UNC5C: variants seen among roughly 807,000 people sequenced by gnomAD.
UNC5C encodes the protein unc-5 netrin receptor C.
Under a neutral mutation model 99.8 loss-of-function variants are expected in UNC5C, and 47 were observed. The ratio of observed to expected loss-of-function variants is 0.47; its 90% confidence interval spans 0.37 to 0.60. UNC5C has a LOEUF of 0.60. Among genes scored for constraint, UNC5C ranks in the 20% least tolerant of loss-of-function variants. UNC5C has a pLI of 0.00. For synonymous variants in UNC5C, 487 were observed against 452.2 expected (o/e 1.08, Z -0.98); for missense variants, 1,062 against 1,165.9 (o/e 0.91, Z 1.30).
chr4:95,503,266 G>C (rs1285246686), intron 1 of UNC5C, among the ~76,000 whole-genome samples: 2 of 151,906 alleles, frequency 1.3e-5, no homozygotes, highest in Non-Finnish European at 2.9e-5. Flanking sequence ...TTTCACCATG[G>C]AATAACACAG....
chr4:95,422,806 C>T (rs895759156), intron 1 of UNC5C, among the ~76,000 whole-genome samples: 17 of 152,136 alleles, frequency 1.1e-4, no homozygotes, highest in African/African-American at 4.1e-4. Context: ...AATTCTGCTG[C>T]ATTTATATGC....
At chr4:95,289,181 T>C (rs1343955482) in intron 3 of UNC5C, among the ~76,000 whole-genome samples, 1 of 152,246 alleles carries the variant, frequency 6.6e-6, no homozygotes, top group East Asian at 1.9e-4. Context: ...CCTCTGTCAA[T>C]GTACTCATTT....
chr4:95,225,076 A>G (rs1050867208), intron 7 of UNC5C, among the ~76,000 whole-genome samples: 2 of 152,116 alleles, frequency 1.3e-5, no homozygotes, highest in African/African-American at 4.8e-5. Context: ...GTGGGCCAGG[A>G]TGAGGAGTCT....
chr4:95,405,274 C>T (rs561744231), intron 1 of UNC5C, among the ~76,000 whole-genome samples: 1 of 152,166 alleles, frequency 6.6e-6, no homozygotes. Context: ...CCAAAGTACT[C>T]GCCCCGGCCT....
In UNC5C at chr4:95,259,832, T is replaced by C. The variant is rs908082782; in HGVS notation, c.595-9165A>G. On this transcript the variant is annotated intron_variant, in intron 4 of 15. Transcript: ENST00000453304. ...ATAAATGATAGGCAATTTATATTAC[T>C]ATTATTTTTACCTAGACCATCTATA... is the stretch of plus-strand genomic sequence containing the variant. Among the ~76,000 whole-genome samples the C allele has an allele frequency of 4.6e-5, 7 of 152,230 alleles. No homozygotes were observed. In the East Asian group the frequency reaches 1.3e-3, roughly 29 times the overall value.
At chr4:95,511,719 A>G (rs374732217) in intron 1 of UNC5C, among the ~76,000 whole-genome samples, 72 of 152,288 alleles carry the variant, frequency 4.7e-4, no homozygotes, top group African/African-American at 1.7e-3. Flanking sequence ...GATAAAGCTG[A>G]TCAACACTCC....
intron 1 of UNC5C, among the ~76,000 whole-genome samples, chr4:95,346,278 C>G (rs536891222): frequency 2.0e-5 from 3 of 151,870 alleles, no homozygotes; most frequent in African/African-American, 7.2e-5. Flanking sequence ...AAGGGGATCA[C>G]AGAAGTAATA....
At chr4:95,276,453 TTG>T (rs1740862638) in intron 4 of UNC5C, among the ~76,000 whole-genome samples, 1 of 152,100 alleles carries the variant, frequency 6.6e-6, no homozygotes, top group South Asian at 2.1e-4. Context: ...GTGAACTACT[TTG>T]TCAAGGAGAC....
chr4:95,414,757 G>A (rs564791058), intron 1 of UNC5C, among the ~76,000 whole-genome samples: 23 of 152,262 alleles, frequency 1.5e-4, no homozygotes, highest in African/African-American at 5.3e-4. Flanking sequence ...ATGAGAGGCA[G>A]AAACCCATAA....
chr4:95,461,948 G>C (rs77901263), intron 1 of UNC5C, among the ~76,000 whole-genome samples: 5,344 of 152,124 alleles, frequency 0.035, 224 homozygotes, highest in Admixed American at 0.1. Flanking sequence ...TTATCTTGTG[G>C]TTATATGATT....
intron 1 of UNC5C, among the ~76,000 whole-genome samples, chr4:95,477,020 C>T (rs1325198725): frequency 1.3e-5 from 2 of 152,000 alleles, no homozygotes; most frequent in South Asian, 2.1e-4. Context: ...TGAGTGTGCA[C>T]GTTTACACAC....
At chr4:95,305,635 T>C (rs991125987) in intron 2 of UNC5C, among the ~76,000 whole-genome samples, 7 of 152,228 alleles carry the variant, frequency 4.6e-5, no homozygotes, top group Non-Finnish European at 8.8e-5. Context: ...AGATTTCCCA[T>C]CATGCTGCTT....
intron 4 of UNC5C, among the ~76,000 whole-genome samples, chr4:95,259,802 G>A (rs1182172004): frequency 6.6e-6 from 1 of 152,150 alleles, no homozygotes; most frequent in Non-Finnish European, 1.5e-5. Context: ...ACTTGGTAAT[G>A]AGGCATAAAT....
At chr4:95,484,179 A>G (rs1383773761) in intron 1 of UNC5C, among the ~76,000 whole-genome samples, 1 of 151,830 alleles carries the variant, frequency 6.6e-6, no homozygotes, top group Non-Finnish European at 1.5e-5. Context: ...AATGAGCCAC[A>G]TGGGTGGGTG....
At chr4:95,543,520 G>A (rs10516979) in intron 1 of UNC5C, among the ~76,000 whole-genome samples, 4,173 of 152,192 alleles carry the variant, frequency 0.027, 132 homozygotes, top group East Asian at 0.1. Flanking sequence ...CTTTGCCTTC[G>A]TGTTGACCTA....
At chr4:95,301,175 G>A (rs182291778) in intron 3 of UNC5C, among the ~76,000 whole-genome samples, 1 of 150,578 alleles carries the variant, frequency 6.6e-6, no homozygotes, top group African/African-American at 2.4e-5. Flanking sequence ...GCAGAAATCT[G>A]GGAGCAGTTT....
chr4:95,357,965 T>G (rs1310554851), intron 1 of UNC5C, among the ~76,000 whole-genome samples: 4 of 152,162 alleles, frequency 2.6e-5, no homozygotes, highest in Admixed American at 6.5e-5. Flanking sequence ...GACTACTGCT[T>G]TTTAAATAAA....
chr4:95,354,439 CT>C (rs1161718652), intron 1 of UNC5C, among the ~76,000 whole-genome samples: 1 of 141,520 alleles, frequency 7.1e-6, no homozygotes, highest in African/African-American at 2.8e-5. Flanking sequence ...TCTTCAATGA[CT>C]TTTCTATCGT....
In UNC5C at chr4:95,362,214, AG is replaced by A. The variant is rs372373800; in HGVS notation, c.125-26584del. Among the ~76,000 whole-genome samples, 331 of 152,152 alleles carry A rather than the reference AG, an allele frequency of 2.2e-3. 2 individuals are homozygous for A. Among genetic ancestry groups the A allele is most frequent in the African/African-American group, 7.6e-3 (315 of 41,512 alleles). On this transcript the variant is annotated intron_variant, in intron 1 of 15. Coordinates refer to ENST00000453304, the MANE Select transcript of UNC5C (RefSeq NM_003728.4). Reference sequence around the variant, plus strand: ...AAAAAGAAACCTCTTCCACCCTCTTAGGCCACGTGGTTCGGTTTCCCACTCG... The same window carrying A: ...AAAAAGAAACCTCTTCCACCCTCTTAGCCACGTGGTTCGGTTTCCCACTCG...
Sources: gnomAD v4.1 joint callset for allele counts (sites outside exome capture counted in the v4.1 genomes callset) on GRCh38, gnomAD v4.1.1 for gene constraint, MANE v1.5 for transcripts, NCBI Gene and HGNC (gene_info 2026-07-23, HGNC 2026-07-21) for gene names.